Variants in PDGFC observed in about 807,000 individuals in gnomAD.
PDGFC encodes platelet derived growth factor C.
In PDGFC, 12 loss-of-function variants were observed where a neutral mutation model predicts 35.5. That is an observed-to-expected ratio of 0.34 (90% CI 0.22 to 0.55). The LOEUF is 0.55. Ranked by LOEUF, PDGFC falls within the 20% of genes least tolerant of loss-of-function variation. PDGFC has a pLI of 0.91. For synonymous variants in PDGFC, 159 were observed against 148.8 expected (o/e 1.07, Z -0.50); for missense variants, 322 against 412.4 (o/e 0.78, Z 1.90).
intron 3 of PDGFC, among the ~76,000 whole-genome samples, chr4:156,810,195 T>C (rs1731893890): frequency 6.6e-6 from 1 of 151,686 alleles, no homozygotes; most frequent in African/African-American, 2.4e-5. Context: ...TTACATTTTA[T>C]TAAATAAATT....
At chr4:156,803,438 G>A (rs1731669881) in intron 3 of PDGFC, among the ~76,000 whole-genome samples, 1 of 152,112 alleles carries the variant, frequency 6.6e-6, no homozygotes, top group African/African-American at 2.4e-5. Flanking sequence ...GGGGTGCTGG[G>A]AAATATCTGT....
chr4:156,936,327 C>T (rs1731680451), intron 1 of PDGFC, among the ~76,000 whole-genome samples: 1 of 152,204 alleles, frequency 6.6e-6, no homozygotes, highest in Non-Finnish European at 1.5e-5. Context: ...GAAATGGAAA[C>T]TCTCAGAGGA....
intron 1 of PDGFC, among the ~76,000 whole-genome samples, chr4:156,891,422 C>T (rs970435717): frequency 4.7e-5 from 7 of 149,834 alleles, no homozygotes; most frequent in East Asian, 4.0e-4. Context: ...TGCCTCTACA[C>T]GCACAAGATT....
At chr4:156,894,293 T>A (rs900919140) in intron 1 of PDGFC, among the ~76,000 whole-genome samples, 2 of 152,196 alleles carry the variant, frequency 1.3e-5, no homozygotes, top group Non-Finnish European at 1.5e-5. Flanking sequence ...AAATACATAA[T>A]GTAGGATTTT....
chr4:156,883,040 C>T (rs928514137), intron 1 of PDGFC, among the ~76,000 whole-genome samples: 2 of 150,866 alleles, frequency 1.3e-5, no homozygotes, highest in East Asian at 2.0e-4. Flanking sequence ...GCCAAAATCA[C>T]GCCACTGCAA....
chr4:156,818,149 T>C (rs890685952), intron 2 of PDGFC, among the ~76,000 whole-genome samples: 4 of 149,388 alleles, frequency 2.7e-5, no homozygotes, highest in African/African-American at 9.9e-5. Flanking sequence ...AATTTCACTC[T>C]TAAATAGAAT....
chr4:156,773,271 A>C (rs1306631185), intron 3 of PDGFC, among the ~76,000 whole-genome samples: 1 of 152,216 alleles, frequency 6.6e-6, no homozygotes, highest in Non-Finnish European at 1.5e-5. Context: ...ATTACCTGGT[A>C]GTTATGCAAA....
chr4:156,859,802 A>G (rs1383304426), intron 1 of PDGFC, among the ~76,000 whole-genome samples: 1 of 152,170 alleles, frequency 6.6e-6, no homozygotes, highest in Non-Finnish European at 1.5e-5. Context: ...TATTTCTCAA[A>G]GCAAAGACAT....
At chr4:156,867,379 T>A (rs137926799) in intron 1 of PDGFC, among the ~76,000 whole-genome samples, 11 of 152,320 alleles carry the variant, frequency 7.2e-5, no homozygotes, top group Admixed American at 6.5e-4. Context: ...TAATGCCAGG[T>A]GATACTTCTT....
intron 3 of PDGFC, among the ~76,000 whole-genome samples, chr4:156,790,920 C>T (rs1345694906): frequency 6.6e-6 from 1 of 152,114 alleles, no homozygotes; most frequent in African/African-American, 2.4e-5. Flanking sequence ...TTTTTTCCTG[C>T]CTGGCTTTTG....
intron 1 of PDGFC, among the ~76,000 whole-genome samples, chr4:156,946,360 A>G (rs1056287457): frequency 2.0e-5 from 3 of 152,078 alleles, no homozygotes; most frequent in African/African-American, 7.2e-5. Context: ...AGGAAAAGCA[A>G]CCAACCCACT....
intron 1 of PDGFC, among the ~76,000 whole-genome samples, chr4:156,886,194 T>C (rs1730371239): frequency 6.6e-6 from 1 of 152,196 alleles, no homozygotes; most frequent in Admixed American, 6.5e-5. Flanking sequence ...GTGAAAGTTG[T>C]GGCAAATTCT....
intron 1 of PDGFC, among the ~76,000 whole-genome samples, chr4:156,951,511 C>T (rs1023864447): frequency 2.0e-5 from 3 of 151,624 alleles, no homozygotes; most frequent in Non-Finnish European, 3.0e-5. Context: ...TTGAGACTGA[C>T]GCATGGGGCA....
intron 1 of PDGFC, among the ~76,000 whole-genome samples, chr4:156,963,828 C>T (rs1431678283): frequency 6.6e-6 from 1 of 152,056 alleles, no homozygotes; most frequent in East Asian, 1.9e-4. Flanking sequence ...TAATTATAAA[C>T]GTAGTTATTA....
Position 156,916,747 on chromosome 4 carries a change from C to G in PDGFC, c.118+54039G>C, listed in dbSNP as rs146440393. 8.0e-3 allele frequency among the ~76,000 whole-genome samples: 1,222 copies of G among 152,288 alleles called. 6 individuals are homozygous for G. The highest frequency in any genetic ancestry group is 0.011 in the Non-Finnish European group (764 of 68,030). On this transcript the variant is annotated intron_variant, in intron 1 of 5. Transcript: ENST00000502773. The stretch of plus-strand genomic sequence containing the variant: ...ATAGGACTGCACTTAGCTACACTTA[C>G]AGCTGCTGAGCCTTTGGGGTGGCAC...
intron 3 of PDGFC, among the ~76,000 whole-genome samples, chr4:156,809,721 C>A (rs999881962): frequency 2.1e-5 from 3 of 145,200 alleles, no homozygotes; most frequent in South Asian, 2.2e-4. Flanking sequence ...GAAAAAAAAA[C>A]CTTCAGTAGT....
chr4:156,831,186 A>G (rs899387888), intron 2 of PDGFC, among the ~76,000 whole-genome samples: 2 of 152,216 alleles, frequency 1.3e-5, no homozygotes, highest in Non-Finnish European at 2.9e-5. Flanking sequence ...ATATGCACAG[A>G]GTAGGCAATC....
At chr4:156,894,302 T>G (rs975774119) in intron 1 of PDGFC, among the ~76,000 whole-genome samples, 11 of 152,196 alleles carry the variant, frequency 7.2e-5, no homozygotes, top group African/African-American at 2.7e-4. Flanking sequence ...ATGTAGGATT[T>G]TATCATCTAG....
chr4:156,876,963 A>T (rs1253069503), intron 1 of PDGFC: 2 of 152,156 alleles, frequency 1.3e-5, no homozygotes, highest in African/African-American at 4.8e-5. Flanking sequence ...ATGTATCTGC[A>T]TTCTGCTTTT....
Sources: allele counts gnomAD v4.1 joint callset (sites outside exome capture counted in the v4.1 genomes callset), GRCh38; gene constraint gnomAD v4.1.1; transcripts MANE v1.5; gene names NCBI Gene and HGNC (gene_info 2026-07-23, HGNC 2026-07-21).